Variants in COL5A2 observed in about 807,000 individuals in gnomAD.
COL5A2 encodes collagen alpha-2(V) chain.
In COL5A2, 23 loss-of-function variants were observed where a neutral mutation model predicts 208.2. That is an observed-to-expected ratio of 0.11 (90% confidence interval 0.08 to 0.16). COL5A2 has a LOEUF of 0.16. COL5A2 is among the 10% of genes least tolerant of loss of function. The pLI is 1.00. For missense variants in COL5A2, 1,590 were observed against 1,956.4 expected, an observed-to-expected ratio of 0.81 and a Z score of 3.53; for synonymous variants, 625 against 628.5, an observed-to-expected ratio of 0.99 and a Z score of 0.08.
chr2:189,437,173 A>G, the COL5A2 span, among the ~76,000 whole-genome samples: 1 of 152,184 alleles, frequency 6.6e-6, no homozygotes, highest in African/African-American at 2.4e-5. Context: ...GAACAGAAAT[A>G]TCACCTCCAG....
chr2:189,354,492 C>G, the COL5A2 span, among the ~76,000 whole-genome samples: 1 of 152,126 alleles, frequency 6.6e-6, no homozygotes, highest in Non-Finnish European at 1.5e-5. Context: ...CAACTTCTTC[C>G]TGGTTTAGAC....
chr2:189,039,114 A>G (rs529912456), intron 51 of COL5A2, among the ~76,000 whole-genome samples, 158 bp downstream of exon 51: 2 of 152,244 alleles, frequency 1.3e-5, no homozygotes, highest in South Asian at 4.1e-4. Flanking sequence ...CACAAAATTG[A>G]CTGTTTCCAC....
At chr2:189,305,205 C>G in the COL5A2 span, among the ~76,000 whole-genome samples, 1 of 152,170 alleles carries the variant, frequency 6.6e-6, no homozygotes, top group African/African-American at 2.4e-5. Flanking sequence ...CCAGTAGTGG[C>G]ATGTGAATAA....
the COL5A2 span, among the ~76,000 whole-genome samples, chr2:189,244,531 T>C: frequency 6.6e-6 from 1 of 152,196 alleles, no homozygotes; most frequent in African/African-American, 2.4e-5. Flanking sequence ...GATTTCTTTG[T>C]CCATATCCCA....
At chr2:189,157,124 CTATCTATATA>C (rs1399200300) in intron 1 of COL5A2, among the ~76,000 whole-genome samples, 6 of 85,882 alleles carry the variant, frequency 7.0e-5, no homozygotes, top group East Asian at 5.4e-4. Flanking sequence ...ATCGATATAT[CTATCTATATA>C]TATATCTATA....
At chr2:189,263,943 T>C in the COL5A2 span, among the ~76,000 whole-genome samples, 1 of 152,110 alleles carries the variant, frequency 6.6e-6, no homozygotes, top group Non-Finnish European at 1.5e-5. Context: ...GTTCAAAGAA[T>C]TGGAATATGC....
chr2:189,407,631 T>G, the COL5A2 span, among the ~76,000 whole-genome samples: 10 of 152,100 alleles, frequency 6.6e-5, no homozygotes, highest in Admixed American at 5.2e-4. Flanking sequence ...AGAATGTAAA[T>G]AGACTCAAGA....
chr2:189,069,375 A>G (rs7422106), intron 18 of COL5A2, among the ~76,000 whole-genome samples: 131,747 of 152,160 alleles, frequency 0.87, 57,899 homozygotes, highest in Non-Finnish European at 0.95. Context: ...TCTTAAATCC[A>G]CATGGTTTAC....
intron 35 of COL5A2, among the ~76,000 whole-genome samples, chr2:189,054,554 G>A (rs1685860743): frequency 6.6e-6 from 1 of 151,834 alleles, no homozygotes; most frequent in Admixed American, 6.6e-5. Flanking sequence ...ATATTTATTC[G>A]GACATTTGAC....
chr2:189,228,905 T>A (rs551147390), upstream of COL5A2, among the ~76,000 whole-genome samples: 1 of 151,758 alleles, frequency 6.6e-6, no homozygotes, highest in East Asian at 1.9e-4. Flanking sequence ...GATGCAAAAA[T>A]CCTCAAAAAT....
chr2:189,370,339 A>G, the COL5A2 span, among the ~76,000 whole-genome samples: 2 of 152,220 alleles, frequency 1.3e-5, no homozygotes, highest in African/African-American at 4.8e-5. Flanking sequence ...TATCTATTTC[A>G]TAGAGTCATT....
At chr2:189,407,449 C>G in the COL5A2 span, among the ~76,000 whole-genome samples, 1 of 152,052 alleles carries the variant, frequency 6.6e-6, no homozygotes, top group Non-Finnish European at 1.5e-5. Flanking sequence ...GAGAGGTTCC[C>G]TACACATTGA....
the COL5A2 span, among the ~76,000 whole-genome samples, chr2:189,309,677 G>A: frequency 6.6e-6 from 1 of 152,112 alleles, no homozygotes; most frequent in African/African-American, 2.4e-5. Context: ...CTCTCACTCT[G>A]TCTTATACCC....
At chr2:189,284,704 G>A in the COL5A2 span, among the ~76,000 whole-genome samples, 1 of 152,118 alleles carries the variant, frequency 6.6e-6, no homozygotes, top group Non-Finnish European at 1.5e-5. Flanking sequence ...AGTATATGTT[G>A]CTTAACAACA....
At chr2:189,272,063 G>A in the COL5A2 span, among the ~76,000 whole-genome samples, 3 of 152,124 alleles carry the variant, frequency 2.0e-5, no homozygotes, top group African/African-American at 4.8e-5. Context: ...ACTGTTGGTG[G>A]GAGTGTAAAT....
the COL5A2 span, among the ~76,000 whole-genome samples, chr2:189,432,773 G>A: frequency 6.6e-6 from 1 of 152,144 alleles, no homozygotes. Flanking sequence ...ACAGATCAAT[G>A]AGACAGAAAG....
chr2:189,270,920 A>C, the COL5A2 span, among the ~76,000 whole-genome samples: 3 of 152,170 alleles, frequency 2.0e-5, no homozygotes, highest in African/African-American at 7.2e-5. Flanking sequence ...CTACAAAGAG[A>C]ATAAAATACC....
At chr2:189,034,769 AT>A (rs1685408580) in intron 53 of COL5A2, 146 bp downstream of exon 53, 7 of 883,700 alleles carry the variant, frequency 7.9e-6, no homozygotes, top group Admixed American at 2.1e-5. Context: ...ACACACACAC[AT>A]TTACCCTAAG....
the COL5A2 span, among the ~76,000 whole-genome samples, chr2:189,245,975 G>C: frequency 6.6e-6 from 1 of 152,106 alleles, no homozygotes; most frequent in African/African-American, 2.4e-5. Context: ...TCAGTTTAAT[G>C]ATAAAAACAA....
Sources: gnomAD v4.1 joint callset for allele counts (sites outside exome capture counted in the v4.1 genomes callset) on GRCh38, gnomAD v4.1.1 for gene constraint, MANE v1.5 for transcripts, NCBI Gene and HGNC (gene_info 2026-07-23, HGNC 2026-07-21) for gene names.